GABRG3: variants seen among roughly 807,000 people sequenced by gnomAD.
GABRG3 encodes gamma-aminobutyric acid type A receptor subunit gamma3.
Under a neutral mutation model 48.8 loss-of-function variants are expected in GABRG3, and 25 were observed. The ratio of observed to expected loss-of-function variants is 0.51; its 90% CI spans 0.37 to 0.72. The LOEUF is 0.72. GABRG3 is among the 30% of genes least tolerant of loss of function. The pLI is 0.00. For missense variants in GABRG3, 394 were observed against 577.9 expected (o/e 0.68, Z 3.26); for synonymous variants, 227 against 217.6 (o/e 1.04, Z -0.38).
At chr15:27,347,634 T>C (rs1393318482) in intron 5 of GABRG3, among the ~76,000 whole-genome samples, 2 of 152,190 alleles carry the variant, frequency 1.3e-5, no homozygotes, top group Non-Finnish European at 1.5e-5. Context: ...AGAGAAAATA[T>C]GGGATCTTTC....
chr15:27,117,356 C>CA (rs1020378999), intron 3 of GABRG3, among the ~76,000 whole-genome samples: 1 of 152,198 alleles, frequency 6.6e-6, no homozygotes, highest in Admixed American at 6.5e-5. Context: ...GAACAATACT[C>CA]AAAGTTTTTT....
chr15:27,044,196 A>C (rs1455488790), intron 3 of GABRG3, among the ~76,000 whole-genome samples: 1 of 152,130 alleles, frequency 6.6e-6, no homozygotes, highest in Non-Finnish European at 1.5e-5. Flanking sequence ...GTGTGCTGGG[A>C]GGATATACTC....
At chr15:27,133,831 G>A (rs145449862) in intron 3 of GABRG3, among the ~76,000 whole-genome samples, 117 of 152,294 alleles carry the variant, frequency 7.7e-4, no homozygotes, top group African/African-American at 2.7e-3. Context: ...TAAATGTCTA[G>A]GTTCATCTTA....
At chr15:27,307,308 C>CAT (rs1350861505) in intron 3 of GABRG3, among the ~76,000 whole-genome samples, 15 of 137,308 alleles carry the variant, frequency 1.1e-4, no homozygotes, top group African/African-American at 3.6e-4. Context: ...TATATATAAC[C>CAT]ATAGGTTTAT....
rs568108508 is a variant in GABRG3 at position 27,253,374 on chromosome 15, G to A, written c.271-73435G>A. ...TCATGGTGGCTGCCACCCCTTTCCT[G>A]TCCCCTCTCCTTCTGCCTTAGCGTG... On this transcript the variant is annotated intron_variant, in intron 3 of 9. Transcript: ENST00000615808. 3.3e-5 allele frequency among the ~76,000 whole-genome samples: 5 copies of A among 152,206 alleles called. No individual in the cohort carries two copies. The East Asian group carries it at 9.7e-4, about 30-fold the overall frequency.
At chr15:27,419,771 C>T (rs182175316) in intron 5 of GABRG3, among the ~76,000 whole-genome samples, 2 of 152,136 alleles carry the variant, frequency 1.3e-5, no homozygotes, top group Non-Finnish European at 2.9e-5. Flanking sequence ...ACTCAAGTAA[C>T]GGAAGGGTGG....
chr15:27,150,836 G>A (rs1309566139), intron 3 of GABRG3, among the ~76,000 whole-genome samples: 1 of 152,174 alleles, frequency 6.6e-6, no homozygotes, highest in Non-Finnish European at 1.5e-5. Flanking sequence ...GTTGGGAAAG[G>A]AACAGGCACT....
intron 3 of GABRG3, among the ~76,000 whole-genome samples, chr15:27,209,028 C>T (rs12593313): frequency 6.6e-6 from 1 of 152,222 alleles, no homozygotes; most frequent in African/African-American, 2.4e-5. Context: ...GTTGCTGATG[C>T]TTCCTCCCCA....
chr15:27,086,299 T>C (rs902732122), intron 3 of GABRG3, among the ~76,000 whole-genome samples: 8 of 152,066 alleles, frequency 5.3e-5, no homozygotes, highest in Non-Finnish European at 8.8e-5. Flanking sequence ...CTGCTCCTAC[T>C]GGGGACAGAG....
chr15:27,324,157 A>G (rs1292517056), intron 3 of GABRG3, among the ~76,000 whole-genome samples: 1 of 152,206 alleles, frequency 6.6e-6, no homozygotes, highest in Non-Finnish European at 1.5e-5. Flanking sequence ...CACTTCTCCC[A>G]TCTTCAAAGG....
intron 3 of GABRG3, among the ~76,000 whole-genome samples, chr15:27,038,765 G>A (rs1465568711): frequency 6.6e-6 from 1 of 152,216 alleles, no homozygotes; most frequent in Non-Finnish European, 1.5e-5. Flanking sequence ...AGGGTAGGGG[G>A]CAAGTGTGTT....
intron 3 of GABRG3, among the ~76,000 whole-genome samples, chr15:27,306,364 T>G (rs536055278): frequency 5.8e-3 from 247 of 42,884 alleles, no homozygotes; most frequent in Non-Finnish European, 0.019. Flanking sequence ...CATATAAACA[T>G]ATATATAATA....
At chr15:27,237,547 G>C (rs966113795) in intron 3 of GABRG3, among the ~76,000 whole-genome samples, 1 of 152,110 alleles carries the variant, frequency 6.6e-6, no homozygotes, top group Admixed American at 6.5e-5. Context: ...CAGCTCCATG[G>C]GTTCAAAAGA....
chr15:27,509,623 T>C (rs1890849582), intron 6 of GABRG3, among the ~76,000 whole-genome samples: 1 of 152,242 alleles, frequency 6.6e-6, no homozygotes, highest in African/African-American at 2.4e-5. Context: ...ATAAGTTTAC[T>C]AATGTGCCTA....
At chr15:27,119,138 C>T (rs1337440162) in intron 3 of GABRG3, among the ~76,000 whole-genome samples, 3 of 152,192 alleles carry the variant, frequency 2.0e-5, no homozygotes, top group African/African-American at 7.2e-5. Context: ...AGAATCTGAA[C>T]ACACAGACCT....
At chr15:27,344,821 T>C (rs924252181) in intron 5 of GABRG3, among the ~76,000 whole-genome samples, 5 of 152,136 alleles carry the variant, frequency 3.3e-5, no homozygotes, top group Admixed American at 2.6e-4. Flanking sequence ...AGTGGATATA[T>C]ATATATATTT....
At chr15:27,175,661 G>A (rs1306056425) in intron 3 of GABRG3, among the ~76,000 whole-genome samples, 2 of 152,184 alleles carry the variant, frequency 1.3e-5, no homozygotes, top group East Asian at 3.9e-4. Context: ...ATAAAACAAA[G>A]CAAATGGTAA....
chr15:27,154,552 TTTGTTTGATA>T (rs1301857656), intron 3 of GABRG3, among the ~76,000 whole-genome samples: 1 of 152,224 alleles, frequency 6.6e-6, no homozygotes, highest in Admixed American at 6.5e-5. Context: ...GGTGTTGCAT[TTTGTTTGATA>T]CTTGCTCTGC....
intron 5 of GABRG3, among the ~76,000 whole-genome samples, chr15:27,379,606 G>T (rs767261305): frequency 6.6e-6 from 1 of 152,126 alleles, no homozygotes; most frequent in Non-Finnish European, 1.5e-5. Flanking sequence ...CTGCAAGGCA[G>T]GTCTATTGCC....
Sources: allele counts gnomAD v4.1 joint callset (sites outside exome capture counted in the v4.1 genomes callset), GRCh38; gene constraint gnomAD v4.1.1; transcripts MANE v1.5; gene names NCBI Gene and HGNC (gene_info 2026-07-23, HGNC 2026-07-21).